Variants in DLGAP2 observed in about 807,000 individuals in gnomAD.
DLGAP2 encodes the protein DLG associated protein 2.
A neutral mutation model predicts 100.3 loss-of-function variants in DLGAP2; 26 were observed. That is an observed-to-expected ratio of 0.26 (90% CI 0.19 to 0.36). DLGAP2 has a LOEUF of 0.36. DLGAP2 is among the 10% of genes least tolerant of loss of function. The probability of loss-of-function intolerance (pLI) is 1.00; values close to 1 mark genes in which losing one functional copy is unlikely to be tolerated. For missense variants in DLGAP2, 1,858 were observed against 1,453.2 expected, an observed-to-expected ratio of 1.28 and a Z score of -4.53; for synonymous variants, 886 against 630.1, an observed-to-expected ratio of 1.41 and a Z score of -6.08.
intron 2 of DLGAP2, among the ~76,000 whole-genome samples, chr8:1,236,237 G>A (rs1257131606): frequency 2.6e-4 from 18 of 69,132 alleles, no homozygotes; most frequent in East Asian, 4.2e-4. Flanking sequence ...TCTCTCACAT[G>A]GCACCATGTC....
At chr8:1,408,320 C>T (rs757891) in intron 3 of DLGAP2, among the ~76,000 whole-genome samples, 141,802 of 152,330 alleles carry the variant, frequency 0.93, 66,081 homozygotes, top group East Asian at 1. Context: ...CCAGAGTGTC[C>T]GAGGGTTTCC....
intron 3 of DLGAP2, among the ~76,000 whole-genome samples, chr8:1,493,737 C>G (rs577541186): frequency 2.0e-5 from 3 of 152,362 alleles, no homozygotes; most frequent in Non-Finnish European, 4.4e-5. Flanking sequence ...CTGCTGCCAT[C>G]TCCCTGGGCA....
intron 6 of DLGAP2, among the ~76,000 whole-genome samples, chr8:1,602,255 T>C (rs1563249815): frequency 1.3e-5 from 2 of 152,208 alleles, no homozygotes; most frequent in Non-Finnish European, 2.9e-5. Context: ...ATAATGTTGT[T>C]ATTTCTAATT....
chr8:854,076 G>T (rs1797231479), intron 1 of DLGAP2, among the ~76,000 whole-genome samples: 1 of 152,220 alleles, frequency 6.6e-6, no homozygotes, highest in African/African-American at 2.4e-5. Context: ...CGCTGTGCCT[G>T]GTTGGTGGAC....
chr8:1,638,580 C>T (rs948819644), intron 8 of DLGAP2, among the ~76,000 whole-genome samples: 1 of 152,154 alleles, frequency 6.6e-6, no homozygotes, highest in Non-Finnish European at 1.5e-5. Flanking sequence ...CCTCAAATAG[C>T]ACAGGTGAGA....
At chr8:895,063 T>A (rs1245212113) in intron 1 of DLGAP2, among the ~76,000 whole-genome samples, 2 of 134,452 alleles carry the variant, frequency 1.5e-5, no homozygotes, top group Non-Finnish European at 3.2e-5. Context: ...GTGTGGGGAG[T>A]CAGCTGGGTG....
chr8:1,497,263 C>T (rs541270556), intron 3 of DLGAP2, among the ~76,000 whole-genome samples: 4 of 152,190 alleles, frequency 2.6e-5, no homozygotes, highest in African/African-American at 7.2e-5. Context: ...CAGAGGTCGG[C>T]GCTGTCAGTT....
chr8:1,373,406 C>G (rs1585310969), intron 3 of DLGAP2, among the ~76,000 whole-genome samples: 1 of 152,252 alleles, frequency 6.6e-6, no homozygotes, highest in African/African-American at 2.4e-5. Flanking sequence ...GCTTGCGTCC[C>G]CGGGCTTCCT....
chr8:1,374,956 G>A (rs1802353596), intron 3 of DLGAP2, among the ~76,000 whole-genome samples: 1 of 151,556 alleles, frequency 6.6e-6, no homozygotes, highest in South Asian at 2.1e-4. Context: ...CTGACAGCAG[G>A]TGGTCGATCT....
At chr8:1,056,318 GTTCCGTGCATGTGGTGGAGGGTGGAA>G (rs1456491522) in intron 2 of DLGAP2, among the ~76,000 whole-genome samples, 1 of 152,148 alleles carries the variant, frequency 6.6e-6, no homozygotes, top group Non-Finnish European at 1.5e-5. Flanking sequence ...TCACATAACT[GTTCCGTGCATGTGGTGGAGGGTGGAA>G]TTCCTCCAGC....
chr8:1,241,283 C>G (rs1798790527), intron 2 of DLGAP2, among the ~76,000 whole-genome samples: 1 of 151,148 alleles, frequency 6.6e-6, no homozygotes, highest in Non-Finnish European at 1.5e-5. Context: ...GGCTCCGTGT[C>G]TCATTCTCTC....
At chr8:1,130,344 C>T (rs903893243) in intron 2 of DLGAP2, among the ~76,000 whole-genome samples, 4 of 152,020 alleles carry the variant, frequency 2.6e-5, no homozygotes, top group Non-Finnish European at 4.4e-5. Context: ...TATTTTTTCT[C>T]ATTTATTATT....
At chr8:1,126,305 C>A (rs142666716) in intron 2 of DLGAP2, among the ~76,000 whole-genome samples, 1,730 of 152,086 alleles carry the variant, frequency 0.011, 14 homozygotes, top group Non-Finnish European at 0.014. Flanking sequence ...AAATATATTT[C>A]CATGTAGCCA....
At chr8:1,261,417 AT>A (rs1799347352) in intron 3 of DLGAP2, among the ~76,000 whole-genome samples, 1 of 149,994 alleles carries the variant, frequency 6.7e-6, no homozygotes, top group South Asian at 2.1e-4. Flanking sequence ...CAGCTTCCAG[AT>A]CTTTAAAACG....
chr8:1,114,613 C>T (rs1038406546), intron 2 of DLGAP2, among the ~76,000 whole-genome samples: 2 of 151,862 alleles, frequency 1.3e-5, no homozygotes, highest in Non-Finnish European at 2.9e-5. Flanking sequence ...TTCCAGCTAG[C>T]AGCCTATCTT....
intron 6 of DLGAP2, among the ~76,000 whole-genome samples, chr8:1,589,594 C>G (rs1460327499): frequency 6.6e-6 from 1 of 152,106 alleles, no homozygotes; most frequent in Non-Finnish European, 1.5e-5. Flanking sequence ...GCCACCATGC[C>G]CAGCTAATTT....
chr8:1,380,495 G>A (rs1172113368), intron 3 of DLGAP2, among the ~76,000 whole-genome samples: 2 of 152,120 alleles, frequency 1.3e-5, no homozygotes, highest in African/African-American at 2.4e-5. Flanking sequence ...ATGCTCAGCT[G>A]CACAAAAGAC....
intron 1 of DLGAP2, among the ~76,000 whole-genome samples, chr8:797,194 C>G (rs545885762): frequency 1.3e-5 from 2 of 152,344 alleles, no homozygotes; most frequent in East Asian, 3.9e-4. Context: ...CTCCGAAAGT[C>G]CTGTGTGCCC....
At chr8:1,674,623 C>G (rs1563055679) in intron 10 of DLGAP2, among the ~76,000 whole-genome samples, 1 of 152,312 alleles carries the variant, frequency 6.6e-6, no homozygotes, top group African/African-American at 2.4e-5. Context: ...TTATTTCACT[C>G]ATATCAGATT....
Sources: gnomAD v4.1 joint callset for allele counts (sites outside exome capture counted in the v4.1 genomes callset) on GRCh38, gnomAD v4.1.1 for gene constraint, MANE v1.5 for transcripts, NCBI Gene and HGNC (gene_info 2026-07-23, HGNC 2026-07-21) for gene names.